Variants in CDH18 observed in about 807,000 individuals in gnomAD.
CDH18 encodes the protein cadherin 18.
CDH18 carries 31 observed loss-of-function variants against 67.9 expected under a neutral mutation model. The observed-to-expected ratio is 0.46, with a 90% confidence interval of 0.34 to 0.62. The LOEUF (loss-of-function observed/expected upper bound fraction) is 0.62. CDH18 is among the 20% of genes least tolerant of loss of function. The pLI is 0.01. For missense variants in CDH18, 890 were observed against 975.5 expected (o/e 0.91, Z 1.17); for synonymous variants, 362 against 347.2 (o/e 1.04, Z -0.48).
rs562912378 is a variant in CDH18, at chr5:19,542,423, T to A, written c.1390+1446A>T. Among the ~76,000 whole-genome samples, 159 of 152,200 alleles carry A rather than the reference T, an allele frequency of 1.0e-3. 2 individuals are homozygous for A. The highest frequency in any genetic ancestry group is 6.8e-3 in the Middle Eastern group (2 of 294). ...AGCAATTTCACTCCTAGGCATATAC[T>A]CAAGAGAAATGGAAACATTTCCACA... is the stretch of plus-strand genomic sequence containing the variant. On this transcript the variant is annotated intron_variant, in intron 9 of 12. Coordinates refer to ENST00000382275, the MANE Select transcript of CDH18 (RefSeq NM_004934.5).
intron 2 of CDH18, among the ~76,000 whole-genome samples, chr5:20,226,313 TGAAAG>T (rs1293709739): frequency 6.6e-6 from 1 of 152,100 alleles, no homozygotes; most frequent in African/African-American, 2.4e-5. Context: ...GTCACTGTCA[TGAAAG>T]AGCCAAATTA....
At chr5:19,930,293 C>A (rs1793537867) in intron 2 of CDH18, among the ~76,000 whole-genome samples, 1 of 151,862 alleles carries the variant, frequency 6.6e-6, no homozygotes, top group African/African-American at 2.4e-5. Context: ...AATATTGCCT[C>A]TGGACTGTGT....
intron 2 of CDH18, among the ~76,000 whole-genome samples, chr5:19,937,319 G>C (rs1259364737): frequency 6.6e-6 from 1 of 151,252 alleles, no homozygotes; most frequent in Admixed American, 6.6e-5. Context: ...AATGTAATAT[G>C]AACTGGCATT....
intron 5 of CDH18, among the ~76,000 whole-genome samples, chr5:19,624,674 A>C (rs1751241654): frequency 6.6e-6 from 1 of 152,144 alleles, no homozygotes. Context: ...GAAGGAGCTG[A>C]CAGCTGGAAG....
chr5:19,608,674 A>T (rs1748469615), intron 6 of CDH18, among the ~76,000 whole-genome samples: 1 of 151,734 alleles, frequency 6.6e-6, no homozygotes, highest in Non-Finnish European at 1.5e-5. Flanking sequence ...ATGGCACTAA[A>T]CCAACTGCAG....
At chr5:19,852,484 G>C (rs74658032) in intron 2 of CDH18, among the ~76,000 whole-genome samples, 5,369 of 152,010 alleles carry the variant, frequency 0.035, 253 homozygotes, top group African/African-American at 0.1. Context: ...GTAGGTCTGG[G>C]CCATGAGGAT....
chr5:20,102,565 T>C (rs1282185839), intron 2 of CDH18, among the ~76,000 whole-genome samples: 1 of 152,132 alleles, frequency 6.6e-6, no homozygotes, highest in Non-Finnish European at 1.5e-5. Context: ...CAGAAACAGC[T>C]CTATAGGAGG....
intron 2 of CDH18, among the ~76,000 whole-genome samples, chr5:20,126,328 C>T (rs1375509498): frequency 6.6e-6 from 1 of 152,140 alleles, no homozygotes; most frequent in African/African-American, 2.4e-5. Context: ...GGATTAAACA[C>T]TTAAGTCTAA....
At chr5:20,203,096 C>T (rs1179160892) in intron 2 of CDH18, among the ~76,000 whole-genome samples, 3 of 152,010 alleles carry the variant, frequency 2.0e-5, no homozygotes, top group South Asian at 2.1e-4. Context: ...CTCCCCAATC[C>T]GCCTGGCACC....
intron 2 of CDH18, among the ~76,000 whole-genome samples, chr5:20,246,941 C>T (rs539446603): frequency 1.3e-5 from 2 of 152,144 alleles, no homozygotes; most frequent in South Asian, 2.1e-4. Context: ...AGGCAACATC[C>T]CATGATAGGT....
intron 2 of CDH18, among the ~76,000 whole-genome samples, chr5:20,100,573 A>AT (rs1170655624): frequency 6.6e-6 from 1 of 152,076 alleles, no homozygotes; most frequent in Non-Finnish European, 1.5e-5. Context: ...TTTTATTACA[A>AT]TTTTTTTACA....
intron 8 of CDH18, among the ~76,000 whole-genome samples, chr5:19,564,844 A>T (rs1740079060): frequency 6.6e-6 from 1 of 151,498 alleles, no homozygotes; most frequent in Admixed American, 6.6e-5. Flanking sequence ...CCCTGAAGGA[A>T]GAGACTCAGT....
At chr5:20,392,430 C>A (rs1744940658) in intron 1 of CDH18, among the ~76,000 whole-genome samples, 1 of 151,676 alleles carries the variant, frequency 6.6e-6, no homozygotes, top group African/African-American at 2.4e-5. Context: ...TCTTAACTTC[C>A]AATAATTTTA....
At chr5:20,042,320 T>C (rs1740495589) in intron 2 of CDH18, among the ~76,000 whole-genome samples, 3 of 152,256 alleles carry the variant, frequency 2.0e-5, no homozygotes. Context: ...CTCTGAATTT[T>C]CTATTTTCAA....
At chr5:20,284,714 G>T (rs1188999621) in intron 1 of CDH18, among the ~76,000 whole-genome samples, 1 of 151,858 alleles carries the variant, frequency 6.6e-6, no homozygotes, top group Non-Finnish European at 1.5e-5. Flanking sequence ...TTTAGCAAGG[G>T]AATTCTTTTT....
At chr5:19,723,775 G>A (rs1464140273) in intron 4 of CDH18, among the ~76,000 whole-genome samples, 14 of 151,800 alleles carry the variant, frequency 9.2e-5, no homozygotes, top group East Asian at 5.8e-4. Context: ...GTACAATGGC[G>A]CCATCTCGGC....
intron 8 of CDH18, among the ~76,000 whole-genome samples, chr5:19,571,039 T>C (rs956590091): frequency 1.3e-5 from 2 of 152,232 alleles, no homozygotes; most frequent in Non-Finnish European, 2.9e-5. Context: ...TAGCATTTAT[T>C]GAGTGACTAC....
At chr5:20,327,632 G>A (rs1041182767) in intron 1 of CDH18, among the ~76,000 whole-genome samples, 3 of 152,072 alleles carry the variant, frequency 2.0e-5, no homozygotes, top group Non-Finnish European at 4.4e-5. Context: ...CCATCCAAGT[G>A]AAAAGACTCT....
intron 1 of CDH18, among the ~76,000 whole-genome samples, chr5:20,262,271 A>T (rs1412095208): frequency 6.6e-6 from 1 of 152,206 alleles, no homozygotes; most frequent in East Asian, 1.9e-4. Flanking sequence ...TGTGCTAATT[A>T]TGTTTGTAAG....
Sources: gnomAD v4.1 joint callset for allele counts (sites outside exome capture counted in the v4.1 genomes callset) on GRCh38, gnomAD v4.1.1 for gene constraint, MANE v1.5 for transcripts, NCBI Gene and HGNC (gene_info 2026-07-23, HGNC 2026-07-21) for gene names.